CA8: variants seen among roughly 807,000 people sequenced by gnomAD.
CA8 encodes the protein carbonic anhydrase-related protein.
A neutral mutation model predicts 41.4 loss-of-function variants in CA8; 22 were observed. The ratio of observed to expected loss-of-function variants is 0.53; its 90% CI spans 0.38 to 0.76. CA8 has a LOEUF of 0.76. Among genes scored for constraint, CA8 ranks in the 30% least tolerant of loss-of-function variants. The pLI, the probability that CA8 is intolerant of heterozygous loss-of-function variation, is 0.00. For missense variants in CA8, 270 were observed against 352.8 expected (o/e 0.77, Z 1.88); for synonymous variants, 121 against 130.6 (o/e 0.93, Z 0.50).
At chr8:60,262,963 G>A (rs1020317704) in intron 3 of CA8, among the ~76,000 whole-genome samples, 2 of 152,082 alleles carry the variant, frequency 1.3e-5, no homozygotes, top group African/African-American at 4.8e-5. Context: ...CTGACTACTG[G>A]GAGTATCAAA....
chr8:60,233,275 T>C (rs1807721152), intron 3 of CA8, among the ~76,000 whole-genome samples: 1 of 152,214 alleles, frequency 6.6e-6, no homozygotes. Flanking sequence ...CCAAAAGACA[T>C]AGCTAAAATT....
chr8:60,210,661 T>C (rs1806804541), intron 7 of CA8, among the ~76,000 whole-genome samples: 1 of 152,126 alleles, frequency 6.6e-6, no homozygotes. Context: ...TCGAATGTCT[T>C]ATTTTTCCAT....
At chr8:60,245,589 AAC>A (rs1156828687) in intron 3 of CA8, among the ~76,000 whole-genome samples, 5 of 152,360 alleles carry the variant, frequency 3.3e-5, no homozygotes, top group African/African-American at 1.2e-4. Flanking sequence ...TTAATAAAAT[AAC>A]AGTGCTATAG....
chr8:60,260,878 A>G (rs921551637), intron 3 of CA8, among the ~76,000 whole-genome samples: 3 of 152,226 alleles, frequency 2.0e-5, no homozygotes, highest in African/African-American at 7.2e-5. Flanking sequence ...GATGTTCCTG[A>G]AAGTTAAATA....
intron 8 of CA8, among the ~76,000 whole-genome samples, chr8:60,205,872 T>A (rs75947084): frequency 6.6e-6 from 1 of 152,216 alleles, no homozygotes. Context: ...ACCAGAGAAA[T>A]GTCTTTTCCT....
At chr8:60,225,467 C>T (rs1315830650) in intron 5 of CA8, among the ~76,000 whole-genome samples, 2 of 152,166 alleles carry the variant, frequency 1.3e-5, no homozygotes, top group African/African-American at 4.8e-5. Context: ...GAAATTTTCT[C>T]AGTCCACTGC....
At chr8:60,261,458 G>T (rs187269136) in intron 3 of CA8, among the ~76,000 whole-genome samples, 17 of 152,282 alleles carry the variant, frequency 1.1e-4, no homozygotes, top group Admixed American at 1.1e-3. Flanking sequence ...CAGAAGGCAA[G>T]AAAGTCAGGT....
intron 8 of CA8, among the ~76,000 whole-genome samples, chr8:60,205,907 A>G (rs116448410): frequency 9.5e-4 from 145 of 152,364 alleles, no homozygotes; most frequent in African/African-American, 3.2e-3. Flanking sequence ...GCTTAAATGA[A>G]ACATTCATGC....
intron 2 of CA8, among the ~76,000 whole-genome samples, chr8:60,275,238 GCA>G (rs1440114723): frequency 1.3e-5 from 2 of 152,178 alleles, no homozygotes; most frequent in African/African-American, 4.8e-5. Flanking sequence ...CTGCCCAGGT[GCA>G]CAGAGCTTCT....
chr8:60,228,884 C>G (rs1483262878), intron 4 of CA8, among the ~76,000 whole-genome samples: 1 of 152,192 alleles, frequency 6.6e-6, no homozygotes, highest in Non-Finnish European at 1.5e-5. Context: ...ATAAACTCTG[C>G]TATTATGCCA....
intron 7 of CA8, among the ~76,000 whole-genome samples, chr8:60,219,247 C>T (rs1477086816): frequency 6.6e-6 from 1 of 152,026 alleles, no homozygotes; most frequent in Non-Finnish European, 1.5e-5. Context: ...CAACCTCCAC[C>T]ACCCGGGTTC....
At chr8:60,205,181 C>T (rs1806539760) in intron 8 of CA8, among the ~76,000 whole-genome samples, 1 of 152,038 alleles carries the variant, frequency 6.6e-6, no homozygotes, top group African/African-American at 2.4e-5. Flanking sequence ...GTATTTAGGG[C>T]ATTCTTATTT....
In CA8 at chr8:60,189,192, G is replaced by C. The variant is rs77070861; in HGVS notation, c.*829C>G. ...ATAAAATATTTAAGTCTTACAAAGC[G>C]TACGACACTAAAGTAATATAGGATA... On this transcript the variant is annotated 3_prime_UTR_variant, in exon 9 of 9. Coordinates refer to ENST00000317995, the MANE Select transcript of CA8 (RefSeq NM_004056.6). 1.3e-5 allele frequency: 2 copies of C among 152,066 alleles called. No individual in the cohort carries two copies. The highest frequency in any genetic ancestry group is 4.8e-5 in the African/African-American group (2 of 41,410). 9.4% of individuals were successfully genotyped at this position (152,066 alleles called of 1,614,324 possible).
chr8:60,244,772 T>G (rs1808166741), intron 3 of CA8, among the ~76,000 whole-genome samples: 1 of 152,238 alleles, frequency 6.6e-6, no homozygotes, highest in Non-Finnish European at 1.5e-5. Context: ...CACTCTATTT[T>G]AATTCCCACT....
intron 3 of CA8, among the ~76,000 whole-genome samples, chr8:60,252,866 G>A (rs1191019869): frequency 6.6e-6 from 1 of 152,018 alleles, no homozygotes; most frequent in Non-Finnish European, 1.5e-5. Flanking sequence ...AAATACTTCT[G>A]GTCCCAAGCA....
At chr8:60,267,893 T>C (rs1803952035) in intron 2 of CA8, among the ~76,000 whole-genome samples, 1 of 152,192 alleles carries the variant, frequency 6.6e-6, no homozygotes, top group African/African-American at 2.4e-5. Context: ...TCACTTCACC[T>C]TCCTCTTCAA....
At chr8:60,249,667 A>T (rs1808377330) in intron 3 of CA8, among the ~76,000 whole-genome samples, 1 of 152,238 alleles carries the variant, frequency 6.6e-6, no homozygotes, top group African/African-American at 2.4e-5. Flanking sequence ...CACACAAAAA[A>T]ACTAAAAGGT....
intron 2 of CA8, among the ~76,000 whole-genome samples, chr8:60,272,020 C>G (rs1278148959): frequency 1.3e-5 from 2 of 152,152 alleles, no homozygotes; most frequent in Non-Finnish European, 2.9e-5. Flanking sequence ...TCAGATCACC[C>G]TGGAATGTGA....
chr8:60,276,909 A>G (rs868179078), intron 2 of CA8, among the ~76,000 whole-genome samples: 3 of 152,270 alleles, frequency 2.0e-5, no homozygotes, highest in African/African-American at 7.2e-5. Flanking sequence ...ACCTGAGGTC[A>G]GGAGTTTGAG....
Sources: gnomAD v4.1 joint callset for allele counts (sites outside exome capture counted in the v4.1 genomes callset) on GRCh38, gnomAD v4.1.1 for gene constraint, MANE v1.5 for transcripts, NCBI Gene and HGNC (gene_info 2026-07-23, HGNC 2026-07-21) for gene names.